The following DGKB variants were observed in gnomAD, a reference collection of about 807,000 sequenced individuals.
DGKB encodes the protein 90 kDa diacylglycerol kinase.
A neutral mutation model predicts 114.3 loss-of-function variants in DGKB; 67 were observed. That is an observed-to-expected ratio of 0.59 (90% CI 0.48 to 0.72). The LOEUF (loss-of-function observed/expected upper bound fraction) is 0.72, where lower values mean the gene tolerates loss of function less well. DGKB is among the 30% of genes least tolerant of loss of function. The probability of loss-of-function intolerance (pLI) is 0.00; values close to 1 mark genes in which losing one functional copy is unlikely to be tolerated. For missense variants in DGKB, 907 were observed against 975.2 expected (o/e 0.93, Z 0.93); for synonymous variants, 398 against 323.1 (o/e 1.23, Z -2.49).
rs1352023303 is a variant in DGKB, at chr7:14,661,275, G to A, written c.1134+11654C>T. Among the ~76,000 whole-genome samples, 11 of 146,682 alleles carry A rather than the reference G, an allele frequency of 7.5e-5. No homozygotes were observed. The East Asian group carries it at 1.2e-3, about 16-fold the overall frequency. On this transcript the variant is annotated intron_variant, in intron 13 of 25. Coordinates refer to ENST00000402815, the MANE Select transcript of DGKB (RefSeq NM_001350709.2). ...CATCTGAGTGAACAGGCAACCTACA[G>A]AATGGGAGAAAATTTTCACAACCTA... is the stretch of plus-strand genomic sequence containing the variant.
At chr7:14,186,987 A>C (rs890767133) in intron 23 of DGKB, among the ~76,000 whole-genome samples, 21 of 152,096 alleles carry the variant, frequency 1.4e-4, no homozygotes, top group Admixed American at 3.9e-4. Context: ...CATGTAACCA[A>C]ATATCACCTG....
chr7:14,306,759 G>T, intron 23 of DGKB, among the ~76,000 whole-genome samples: 1 of 152,170 alleles, frequency 6.6e-6, no homozygotes, highest in South Asian at 2.1e-4. Context: ...GAGCCCTCAT[G>T]GTGCTTAAAG....
chr7:14,171,329 G>A (rs1008210127), intron 25 of DGKB, among the ~76,000 whole-genome samples: 3 of 152,016 alleles, frequency 2.0e-5, no homozygotes, highest in East Asian at 1.9e-4. Context: ...TTTCCTTTCC[G>A]TTCTCTACCA....
intron 2 of DGKB, among the ~76,000 whole-genome samples, chr7:14,781,400 T>A (rs893789690): frequency 2.0e-5 from 3 of 152,148 alleles, no homozygotes; most frequent in Admixed American, 1.3e-4. Flanking sequence ...ACATCCAACA[T>A]CTTTGAGTAT....
intron 23 of DGKB, among the ~76,000 whole-genome samples, chr7:14,242,741 C>T (rs1032719963): frequency 1.3e-5 from 2 of 152,098 alleles, no homozygotes; most frequent in African/African-American, 2.4e-5. Flanking sequence ...TTCTTAAATT[C>T]ACCTATACCC....
chr7:14,353,536 C>T (rs918416872), intron 21 of DGKB, among the ~76,000 whole-genome samples: 2 of 152,170 alleles, frequency 1.3e-5, no homozygotes, highest in African/African-American at 4.8e-5. Context: ...AGATTCTGGA[C>T]AGAGCTGAAC....
At chr7:14,709,196 C>T (rs548628318) in intron 6 of DGKB, among the ~76,000 whole-genome samples, 1 of 152,144 alleles carries the variant, frequency 6.6e-6, no homozygotes, top group African/African-American at 2.4e-5. Context: ...ATTTATGCAG[C>T]CAACAGGCAC....
At chr7:14,258,718 T>C (rs903336819) in intron 23 of DGKB, among the ~76,000 whole-genome samples, 2 of 152,156 alleles carry the variant, frequency 1.3e-5, no homozygotes, top group African/African-American at 2.4e-5. Context: ...AGGAACTTGG[T>C]CTTTGGTGCA....
intron 1 of DGKB, among the ~76,000 whole-genome samples, chr7:14,873,863 T>C (rs1852848871): frequency 6.6e-6 from 1 of 152,078 alleles, no homozygotes; most frequent in South Asian, 2.1e-4. Context: ...TAGTAATGGC[T>C]GTATGTATTA....
intron 20 of DGKB, among the ~76,000 whole-genome samples, chr7:14,489,754 G>C (rs888923555): frequency 6.6e-6 from 1 of 152,158 alleles, no homozygotes. Flanking sequence ...AAGAGGTAGG[G>C]ATACAGGCAG....
intron 13 of DGKB, among the ~76,000 whole-genome samples, chr7:14,640,451 G>A (rs147723736): frequency 4.6e-5 from 7 of 152,304 alleles, no homozygotes; most frequent in African/African-American, 1.4e-4. Flanking sequence ...GTACAGAGCC[G>A]TAATCTTCCA....
At position 14,848,730 on chromosome 7, in the gene DGKB, A is replaced by G. The variant is rs1453797537; in HGVS notation, c.-187-7280T>C. Among the ~76,000 whole-genome samples the G allele has an allele frequency of 2.6e-5, 4 of 152,308 alleles. No individual in the cohort carries two copies. In the East Asian group the frequency reaches 7.7e-4, roughly 29 times the overall value. On this transcript the variant is annotated intron_variant, in intron 1 of 25. Coordinates refer to ENST00000402815, the MANE Select transcript of DGKB (RefSeq NM_001350709.2). The stretch of plus-strand genomic sequence containing the variant: ...ACTGAGGTCACACTTTTCCCAGACA[A>G]GAATCAATAACAAAAAGATGATGGA...
intron 25 of DGKB, among the ~76,000 whole-genome samples, chr7:14,173,995 G>A (rs1253533481): frequency 6.6e-6 from 1 of 152,106 alleles, no homozygotes; most frequent in Non-Finnish European, 1.5e-5. Flanking sequence ...ATTAACAAAA[G>A]TAGTTAAAAG....
rs754263143 is a variant in DGKB at position 14,148,698 on chromosome 7, G to C, written c.*433C>G. 1.5e-4 allele frequency: 30 copies of C among 206,620 alleles called. No homozygotes were observed. The highest frequency in any genetic ancestry group is 2.6e-4 in the Non-Finnish European group (26 of 101,100). The allele number at this position is 206,620 out of a possible 1,614,324, so 12.8% of individuals were successfully genotyped here. ...GATACACTGATTCTAAAAGGGAAAC[G>C]TATAGCAATCTGCAATTATGATCAT... On this transcript the variant is annotated 3_prime_UTR_variant, in exon 26 of 26. Coordinates refer to ENST00000402815, the MANE Select transcript of DGKB (RefSeq NM_001350709.2).
chr7:14,254,321 G>A (rs968075451), intron 23 of DGKB, among the ~76,000 whole-genome samples: 6 of 152,150 alleles, frequency 3.9e-5, no homozygotes, highest in South Asian at 2.1e-4. Flanking sequence ...TGTTGAGGGT[G>A]CAGGAAGATA....
At chr7:14,633,032 A>T (rs4143197) in intron 13 of DGKB, among the ~76,000 whole-genome samples, 34,896 of 151,686 alleles carry the variant, frequency 0.23, 4,561 homozygotes, top group East Asian at 0.59. Flanking sequence ...TATCCAAAAA[A>T]GAAAAAGAAA....
At chr7:14,193,994 G>A (rs1367681720) in intron 23 of DGKB, among the ~76,000 whole-genome samples, 2 of 152,190 alleles carry the variant, frequency 1.3e-5, no homozygotes, top group South Asian at 2.1e-4. Flanking sequence ...AAACCACAAC[G>A]AGATGTTACT....
At chr7:14,175,782 G>A (rs893728086) in intron 25 of DGKB, among the ~76,000 whole-genome samples, 2 of 151,830 alleles carry the variant, frequency 1.3e-5, no homozygotes, top group African/African-American at 4.8e-5. Flanking sequence ...AATTCTAGAA[G>A]CTTTGGTCAC....
chr7:14,793,801 G>A (rs960230837), intron 2 of DGKB, among the ~76,000 whole-genome samples: 2 of 152,072 alleles, frequency 1.3e-5, no homozygotes, highest in African/African-American at 4.8e-5. Flanking sequence ...GGGTGTCTCT[G>A]TGGGGGAGTT....
Sources: allele counts gnomAD v4.1 joint callset (sites outside exome capture counted in the v4.1 genomes callset), GRCh38; gene constraint gnomAD v4.1.1; transcripts MANE v1.5; gene names NCBI Gene and HGNC (gene_info 2026-07-23, HGNC 2026-07-21).